ERP44: variants seen among roughly 807,000 people sequenced by gnomAD.
The protein encoded by ERP44 is endoplasmic reticulum protein 44.
In ERP44, 25 loss-of-function variants were observed where a neutral mutation model predicts 53.4. The ratio of observed to expected loss-of-function variants is 0.47; its 90% confidence interval spans 0.34 to 0.65. ERP44 has a LOEUF of 0.65. Among genes scored for constraint, ERP44 ranks in the 30% least tolerant of loss-of-function variants. The pLI is 0.01. For synonymous variants in ERP44, 145 were observed against 161.2 expected, an observed-to-expected ratio of 0.90 and a Z score of 0.76; for missense variants, 338 against 493.2, an observed-to-expected ratio of 0.69 and a Z score of 2.98.
At position 100,087,025 on chromosome 9, in the gene ERP44, T is replaced by G. The variant is rs1339741169; in HGVS notation, c.57+11759A>C. ...CTATTTTATAAATAAAAAAAAAAAC[T>G]TTGCAGTCTCTGGCATACAGTAAAA... On this transcript the variant is annotated intron_variant, in intron 1 of 11. Transcript: ENST00000262455. Among the ~76,000 whole-genome samples the G allele has an allele frequency of 3.3e-5, 5 of 150,016 alleles. 1 individual carries two copies. The East Asian group carries it at 5.8e-4, about 17-fold the overall frequency.
intron 1 of ERP44, among the ~76,000 whole-genome samples, chr9:100,093,612 C>T (rs896902392): frequency 6.6e-6 from 1 of 151,986 alleles, no homozygotes; most frequent in Non-Finnish European, 1.5e-5. Flanking sequence ...CACTGCACTC[C>T]AGCCTGGGCT....
intron 1 of ERP44, among the ~76,000 whole-genome samples, chr9:100,083,743 G>A (rs2118751706): frequency 6.6e-6 from 1 of 152,252 alleles, no homozygotes; most frequent in Non-Finnish European, 1.5e-5. Flanking sequence ...CACTGCCCAA[G>A]GCACTAATAA....
intron 4 of ERP44, among the ~76,000 whole-genome samples, chr9:100,031,536 C>G (rs1825790025): frequency 6.6e-6 from 1 of 152,130 alleles, no homozygotes; most frequent in African/African-American, 2.4e-5. Flanking sequence ...AGACCTTTAT[C>G]ATTTGTTGAC....
intron 1 of ERP44, among the ~76,000 whole-genome samples, chr9:100,069,054 G>C (rs993035114): frequency 6.6e-6 from 1 of 152,046 alleles, no homozygotes; most frequent in Admixed American, 6.5e-5. Context: ...ATTAAGGGCG[G>C]TGCAAGATGT....
chr9:100,085,638 G>A (rs1055536899), intron 1 of ERP44, among the ~76,000 whole-genome samples: 19 of 152,292 alleles, frequency 1.2e-4, no homozygotes, highest in Middle Eastern at 3.4e-3. Context: ...AGTGGCTCAC[G>A]CCTGTAATCC....
intron 10 of ERP44, among the ~76,000 whole-genome samples, chr9:100,001,930 A>AT (rs1480471786): frequency 6.6e-6 from 1 of 151,112 alleles, no homozygotes; most frequent in African/African-American, 2.4e-5. Flanking sequence ...TGATTAGGTG[A>AT]TTTTCTCTAG....
chr9:100,038,952 C>T (rs551584562), intron 4 of ERP44, among the ~76,000 whole-genome samples: 1 of 152,194 alleles, frequency 6.6e-6, no homozygotes, highest in Admixed American at 6.5e-5. Flanking sequence ...GAGGATATAA[C>T]AAATGTAAAT....
At chr9:100,058,110 C>T (rs1210867359) in intron 2 of ERP44, among the ~76,000 whole-genome samples, 1 of 152,162 alleles carries the variant, frequency 6.6e-6, no homozygotes, top group Admixed American at 6.5e-5. Context: ...GGGTCTCACT[C>T]TATTGCCCAG....
intron 10 of ERP44, chr9:99,998,635 T>C: frequency 1.3e-6 from 1 of 766,478 alleles, no homozygotes; most frequent in Non-Finnish European, 2.4e-6. Context: ...TTTCTTGAGA[T>C]CTCTCCACAT....
At chr9:99,982,764 A>G in intron 11 of ERP44, 51 bp from the exon 12 acceptor site, 1 of 1,190,410 alleles carries the variant, frequency 8.4e-7, no homozygotes. Flanking sequence ...TTATGGTGCT[A>G]TAATATTTTA....
chr9:99,987,425 T>C (rs1830206219), intron 10 of ERP44, among the ~76,000 whole-genome samples: 2 of 152,242 alleles, frequency 1.3e-5, no homozygotes, highest in Non-Finnish European at 2.9e-5. Flanking sequence ...CTCCAGTTAC[T>C]TTTTTGTTTA....
chr9:100,089,305 C>A, intron 1 of ERP44, among the ~76,000 whole-genome samples: 1 of 152,002 alleles, frequency 6.6e-6, no homozygotes, highest in East Asian at 1.9e-4. Context: ...AGAGGCCAGG[C>A]GTGGTGGCTC....
At chr9:100,018,741 T>C (rs985911361) in intron 6 of ERP44, among the ~76,000 whole-genome samples, 1 of 152,206 alleles carries the variant, frequency 6.6e-6, no homozygotes, top group Non-Finnish European at 1.5e-5. Context: ...CACACAGAAG[T>C]TGCTTAATAA....
chr9:99,983,587 G>GCAGTCTAT (rs1587952168), intron 11 of ERP44, among the ~76,000 whole-genome samples: 1 of 150,454 alleles, frequency 6.6e-6, no homozygotes, highest in East Asian at 1.9e-4. Flanking sequence ...AAAAGGCAGT[G>GCAGTCTAT]CAGTCTATCC....
At chr9:99,990,815 G>A (rs1830245385) in intron 10 of ERP44, among the ~76,000 whole-genome samples, 1 of 152,124 alleles carries the variant, frequency 6.6e-6, no homozygotes, top group Non-Finnish European at 1.5e-5. Context: ...AAGGGATGGA[G>A]GAAGATCTAC....
chr9:100,058,041 T>C (rs1458067629), intron 2 of ERP44, among the ~76,000 whole-genome samples, 182 bp from the exon 3 acceptor site: 1 of 152,212 alleles, frequency 6.6e-6, no homozygotes, highest in Non-Finnish European at 1.5e-5. Flanking sequence ...AAACTTTGTC[T>C]CTTTTCTCTG....
intron 4 of ERP44, among the ~76,000 whole-genome samples, chr9:100,040,908 T>C (rs553715885): frequency 4.6e-5 from 7 of 152,088 alleles, no homozygotes; most frequent in East Asian, 3.9e-4. Context: ...CCATTTACAA[T>C]AGCTACAAAT....
At chr9:100,079,413 T>C (rs1214240884) in intron 1 of ERP44, among the ~76,000 whole-genome samples, 2 of 137,270 alleles carry the variant, frequency 1.5e-5, no homozygotes, top group South Asian at 2.6e-4. Flanking sequence ...AACTCCCCTT[T>C]ACACACACAC....
rs1789652988 is a variant in ERP44 at position 99,980,610 on chromosome 9, C to T, written c.*2002G>A. On this transcript the variant is annotated 3_prime_UTR_variant, in exon 12 of 12. Transcript: ENST00000262455. ...CAGGGTAAAAAAGTAACCAAGGTCA[C>T]TTTGCTTCTCATTCATTAAATAAAC... The T allele has an allele frequency of 6.6e-6, 1 of 152,220 alleles. No homozygotes were observed. The highest frequency in any genetic ancestry group is 1.5e-5 in the Non-Finnish European group (1 of 68,046). 9.4% of individuals were successfully genotyped at this position (152,220 alleles called of 1,614,324 possible).
Sources: gnomAD v4.1 joint callset for allele counts (sites outside exome capture counted in the v4.1 genomes callset) on GRCh38, gnomAD v4.1.1 for gene constraint, MANE v1.5 for transcripts, NCBI Gene and HGNC (gene_info 2026-07-23, HGNC 2026-07-21) for gene names.